Variants in MRGPRX3 observed in about 807,000 individuals in gnomAD.
MRGPRX3 encodes the protein mas-related G protein-coupled receptor member X3.
In MRGPRX3, 14 loss-of-function variants were observed where a neutral mutation model predicts 16.5. That is an observed-to-expected ratio of 0.85 (90% CI 0.56 to 1.33). The LOEUF is 1.33. MRGPRX3 is among the 40% of genes most tolerant of loss of function. MRGPRX3 has a pLI of 0.00. For synonymous variants in MRGPRX3, 199 were observed against 180.1 expected (o/e 1.10, Z -0.84); for missense variants, 449 against 413.0 (o/e 1.09, Z -0.76).
chr11:18,127,600 G>A (rs796390794), upstream of MRGPRX3, among the ~76,000 whole-genome samples: 6 of 152,078 alleles, frequency 3.9e-5, no homozygotes, highest in African/African-American at 1.2e-4. Flanking sequence ...TGTAGTTCTC[G>A]TGCCGTGGTT....
rs139085962 is a variant in MRGPRX3 at position 18,138,123 on chromosome 11, G to T, written c.921G>T (p.Trp307Cys). ...CTGAGGTGGATGAAGGTGGAGGGTG[G>T]CTTCCTCAGGAAACCCTGGAGCTGT... is the stretch of plus-strand genomic sequence containing the variant. ...DTPEVDEGGG[W>C]LPQETLELSG... Residue 307 changes from tryptophan (W) to cysteine (C), a missense_variant, in exon 2 of 2, where the codon TGG becomes TGT. Trp to Cys is a radical substitution (Grantham distance 215). Transcript: ENST00000621697. 240 of 1,613,908 alleles carry T rather than the reference G, an allele frequency of 1.5e-4. 1 individual carries two copies. In the African/African-American group the frequency reaches 2.8e-3, roughly 19 times the overall value.
chr11:18,136,222 A>G (rs994998459), intron 1 of MRGPRX3, among the ~76,000 whole-genome samples: 1 of 152,062 alleles, frequency 6.6e-6, no homozygotes, highest in Admixed American at 6.6e-5. Flanking sequence ...ATATTCCCAC[A>G]CTTCAATTAC....
intron 1 of MRGPRX3, among the ~76,000 whole-genome samples, chr11:18,133,234 A>C (rs1184992605): frequency 4.6e-5 from 7 of 152,242 alleles, no homozygotes; most frequent in Non-Finnish European, 1.0e-4. Flanking sequence ...GCAGCAATAC[A>C]TAGGGGAGCA....
upstream of MRGPRX3, among the ~76,000 whole-genome samples, chr11:18,129,868 G>T (rs1478408869): frequency 3.3e-5 from 5 of 152,136 alleles, no homozygotes; most frequent in Non-Finnish European, 7.4e-5. Context: ...GTGCAGGATA[G>T]GTTAACATAC....
In MRGPRX3 at chr11:18,137,595, C is replaced by A; in HGVS notation, c.393C>A (p.His131Gln). The change falls in exon 2 of 2, where the codon CAC becomes CAA. Residue 131 changes from histidine to glutamine, a missense_variant. Physicochemically the swap from His to Gln is conservative, Grantham distance 24. Transcript: ENST00000621697. ...CLSILWPIWY[H>Q]CRRPRYLSSV... is the part of the protein sequence containing the mutation. The stretch of plus-strand genomic sequence containing the variant: ...CCATCCTGTGGCCCATCTGGTACCA[C>A]TGCCGCCGCCCCAGATACCTGTCAT... 1 of 1,614,150 alleles carries A rather than the reference C, an allele frequency of 6.2e-7. No individual in the cohort carries two copies.
intron 1 of MRGPRX3, among the ~76,000 whole-genome samples, chr11:18,134,982 GTC>G (rs757710548): frequency 1.3e-5 from 2 of 152,274 alleles, no homozygotes; most frequent in East Asian, 1.9e-4. Context: ...GCCCCTGACT[GTC>G]TCTGATTCTG....
upstream of MRGPRX3, among the ~76,000 whole-genome samples, chr11:18,128,649 T>C (rs1387024701): frequency 1.3e-5 from 2 of 152,096 alleles, no homozygotes; most frequent in African/African-American, 4.8e-5. Context: ...AGGATGGGAG[T>C]GACCCGATTT....
At chr11:18,128,774 C>T (rs949767460), upstream of MRGPRX3, among the ~76,000 whole-genome samples, 1 of 152,202 alleles carries the variant, frequency 6.6e-6, no homozygotes, top group Non-Finnish European at 1.5e-5. Context: ...TGGTGCGCTG[C>T]ACCCACTGTC....
At chr11:18,127,284 A>G (rs1319758848) in intron 1 of MRGPRX3, among the ~76,000 whole-genome samples, 2 of 152,042 alleles carry the variant, frequency 1.3e-5, no homozygotes, top group African/African-American at 4.8e-5. Flanking sequence ...TCTTTGTGGC[A>G]TTCTCTGTAT....
intron 1 of MRGPRX3, among the ~76,000 whole-genome samples, 195 bp downstream of exon 1, chr11:18,132,934 C>T (rs1228309829): frequency 6.6e-6 from 1 of 152,154 alleles, no homozygotes; most frequent in Non-Finnish European, 1.5e-5. Context: ...GGTGTCCCCC[C>T]TTCTAATTTA....
chr11:18,122,669 C>T (rs1202881759), intron 1 of MRGPRX3, among the ~76,000 whole-genome samples: 1 of 152,128 alleles, frequency 6.6e-6, no homozygotes, highest in Non-Finnish European at 1.5e-5. Flanking sequence ...GTCTTTATAG[C>T]AGGGTGATTT....
In MRGPRX3 at chr11:18,137,084, C is replaced by T. The variant is rs531651778; in HGVS notation, c.-25-94C>T. 9 of 1,300,606 alleles carry T rather than the reference C, an allele frequency of 6.9e-6. No individual in the cohort carries two copies. The Admixed American group carries it at 1.4e-4, about 20-fold the overall frequency. The allele number at this position is 1,300,606 out of a possible 1,614,324, so 80.6% of individuals were successfully genotyped here. On this transcript the variant is annotated intron_variant, in intron 1 of 1. Transcript: ENST00000621697. The stretch of plus-strand genomic sequence containing the variant: ...ATTCTCTGCGAGTCTCTGATCTCTC[C>T]TCTTTAAATGAGGACAGTAAATCCC...
At chr11:18,121,954 C>T (rs1848843280) in intron 1 of MRGPRX3, among the ~76,000 whole-genome samples, 2 of 149,940 alleles carry the variant, frequency 1.3e-5, no homozygotes, top group Admixed American at 1.3e-4. Flanking sequence ...TCCTATGACC[C>T]TGCCAAATCC....
At chr11:18,127,581 C>G (rs1354197763), upstream of MRGPRX3, among the ~76,000 whole-genome samples, 5 of 152,188 alleles carry the variant, frequency 3.3e-5, no homozygotes, top group African/African-American at 9.7e-5. Flanking sequence ...GAGGCTTGTG[C>G]ATTCATCATG....
At chr11:18,121,785 C>G (rs1237261904) in intron 1 of MRGPRX3, among the ~76,000 whole-genome samples, 1 of 152,124 alleles carries the variant, frequency 6.6e-6, no homozygotes, top group Non-Finnish European at 1.5e-5. Flanking sequence ...CTTTGTTAAA[C>G]AGACGCTTGA....
rs1225479727 is a variant in MRGPRX3, at chr11:18,137,413, G to T, written c.211G>T (p.Ala71Ser). Reference protein sequence around the residue: ...VSIYILNLVAADFLFLSGHII... With the variant: ...VSIYILNLVASDFLFLSGHII... ...CATCTACATCCTCAACCTGGTCGCG[G>T]CCGACTTCCTCTTCCTTAGCGGCCA... is the stretch of plus-strand genomic sequence containing the variant. The change falls in exon 2 of 2, where the codon GCC (alanine) becomes TCC (serine). Residue 71 changes from alanine to serine, a missense_variant. By Grantham distance (99) the Ala-to-Ser change is moderately conservative. Coordinates refer to ENST00000621697, the MANE Select transcript of MRGPRX3 (RefSeq NM_001370464.1). The T allele has an allele frequency of 2.5e-6, 4 of 1,614,016 alleles. No homozygotes were observed. The highest frequency in any genetic ancestry group is 1.7e-5 in the Admixed American group (1 of 60,004).
At position 18,137,213 on chromosome 11, in the gene MRGPRX3, C is replaced by A; in HGVS notation, c.11C>A (p.Thr4Asn). MDS[T>N]IPVLGTELTP... ...CTGGGGTTTCTGAGCATGGATTCAA[C>A]CATCCCAGTCTTGGGTACAGAACTG... is the stretch of plus-strand genomic sequence containing the variant. The change falls in exon 2 of 2, where the codon ACC (threonine) becomes AAC (asparagine). Residue 4 changes from threonine (T) to asparagine (N), a missense_variant. Coordinates refer to ENST00000621697, the MANE Select transcript of MRGPRX3 (RefSeq NM_001370464.1). The A allele has an allele frequency of 6.3e-7, 1 of 1,591,914 alleles. No homozygotes were observed. Among genetic ancestry groups the A allele is most frequent in the Non-Finnish European group, 8.6e-7 (1 of 1,166,184 alleles).
chr11:18,122,447 C>T (rs1222831901), intron 1 of MRGPRX3, among the ~76,000 whole-genome samples: 1 of 152,144 alleles, frequency 6.6e-6, no homozygotes, highest in African/African-American at 2.4e-5. Flanking sequence ...GTTTGGTTTT[C>T]TGTCCTTGTG....
upstream of MRGPRX3, among the ~76,000 whole-genome samples, chr11:18,130,255 G>GT (rs980110295): frequency 6.6e-6 from 1 of 152,074 alleles, no homozygotes; most frequent in Admixed American, 6.5e-5. Context: ...GTTCACTGAT[G>GT]ATATGATTGT....
Sources: gnomAD v4.1 joint callset for allele counts (sites outside exome capture counted in the v4.1 genomes callset) on GRCh38, gnomAD v4.1.1 for gene constraint, MANE v1.5 for transcripts, NCBI Gene and HGNC (gene_info 2026-07-23, HGNC 2026-07-21) for gene names.